The following CDH13 variants were observed in gnomAD, a reference collection of about 807,000 sequenced individuals.
CDH13 encodes the protein cadherin-13.
In CDH13, 24 loss-of-function variants were observed where a neutral mutation model predicts 63.8. The observed-to-expected ratio is 0.38, with a 90% CI of 0.27 to 0.53. The LOEUF is 0.53. Ranked by LOEUF, CDH13 falls within the 20% of genes least tolerant of loss-of-function variation. CDH13 has a pLI of 0.85. For synonymous variants in CDH13, 503 were observed against 355.3 expected, an observed-to-expected ratio of 1.42 and a Z score of -4.67; for missense variants, 1,049 against 903.1, an observed-to-expected ratio of 1.16 and a Z score of -2.07.
At chr16:83,339,825 A>G (rs1001481130) in intron 5 of CDH13, among the ~76,000 whole-genome samples, 4 of 152,208 alleles carry the variant, frequency 2.6e-5, no homozygotes, top group African/African-American at 9.6e-5. Context: ...TAGCACTAGA[A>G]TCTCTCAAAG....
intron 7 of CDH13, among the ~76,000 whole-genome samples, chr16:83,524,134 G>T (rs529836849): frequency 3.9e-5 from 6 of 152,198 alleles, no homozygotes; most frequent in Non-Finnish European, 8.8e-5. Flanking sequence ...ACCTTACCAT[G>T]CACTAGATTT....
chr16:83,446,127 A>G (rs1429899780), intron 6 of CDH13, among the ~76,000 whole-genome samples: 2 of 151,758 alleles, frequency 1.3e-5, no homozygotes, highest in African/African-American at 4.8e-5. Context: ...ACGTGGTGAA[A>G]CCCCATCTCT....
chr16:83,617,275 G>A (rs185699646), intron 8 of CDH13, among the ~76,000 whole-genome samples: 13 of 152,250 alleles, frequency 8.5e-5, no homozygotes, highest in African/African-American at 2.9e-4. Context: ...GGCTTCTGAT[G>A]TACTATTAAC....
intron 4 of CDH13, among the ~76,000 whole-genome samples, chr16:83,165,079 A>G (rs932088183): frequency 1.2e-4 from 14 of 115,870 alleles, no homozygotes; most frequent in African/African-American, 6.3e-4. Context: ...GAGTAGAAGC[A>G]GGAGAAAAAA....
chr16:83,749,220 G>T (rs1912869757), intron 11 of CDH13, among the ~76,000 whole-genome samples: 1 of 152,266 alleles, frequency 6.6e-6, no homozygotes, highest in Admixed American at 6.5e-5. Context: ...GGTGCCCATT[G>T]TTATACTCAA....
chr16:83,506,103 C>CAGGATT (rs978908456), intron 7 of CDH13, among the ~76,000 whole-genome samples: 26 of 152,114 alleles, frequency 1.7e-4, no homozygotes, highest in African/African-American at 6.3e-4. Flanking sequence ...TCATGGCAAA[C>CAGGATT]AGGATTTGAA....
chr16:82,770,522 A>C (rs1422364538), intron 1 of CDH13, among the ~76,000 whole-genome samples: 2 of 152,212 alleles, frequency 1.3e-5, no homozygotes, highest in Non-Finnish European at 1.5e-5. Context: ...ATCCTGCTTA[A>C]AAAATCATCA....
intron 2 of CDH13, among the ~76,000 whole-genome samples, chr16:82,961,141 C>T (rs573370252): frequency 2.6e-5 from 4 of 152,144 alleles, no homozygotes; most frequent in Non-Finnish European, 4.4e-5. Context: ...CAGCTGAATC[C>T]GACTCAGGCT....
chr16:83,605,708 T>A (rs1404017325), intron 8 of CDH13, among the ~76,000 whole-genome samples: 1 of 152,152 alleles, frequency 6.6e-6, no homozygotes, highest in African/African-American at 2.4e-5. Flanking sequence ...AAGATTGTGA[T>A]GAGAAAGATA....
At chr16:82,684,389 G>T (rs75000481) in intron 1 of CDH13, among the ~76,000 whole-genome samples, 1 of 152,266 alleles carries the variant, frequency 6.6e-6, no homozygotes, top group South Asian at 2.1e-4. Context: ...AGTAGGTTTT[G>T]TTTTGTGGGT....
intron 7 of CDH13, among the ~76,000 whole-genome samples, chr16:83,531,119 C>T (rs933771482): frequency 6.6e-6 from 1 of 152,184 alleles, no homozygotes; most frequent in Non-Finnish European, 1.5e-5. Flanking sequence ...GTTACAACTG[C>T]CACCACCATG....
intron 6 of CDH13, among the ~76,000 whole-genome samples, chr16:83,431,813 T>C (rs2072119441): frequency 6.6e-6 from 1 of 152,062 alleles, no homozygotes; most frequent in Admixed American, 6.6e-5. Flanking sequence ...TCTAATCGCC[T>C]CCCGCCAGGC....
At chr16:83,503,524 T>C (rs552092097) in intron 7 of CDH13, among the ~76,000 whole-genome samples, 1 of 152,026 alleles carries the variant, frequency 6.6e-6, no homozygotes, top group East Asian at 1.9e-4. Context: ...GCTAGGGAGA[T>C]GCCACTCAGC....
intron 8 of CDH13, among the ~76,000 whole-genome samples, chr16:83,658,734 C>T (rs1340853626): frequency 6.8e-6 from 1 of 147,712 alleles, no homozygotes; most frequent in Non-Finnish European, 1.5e-5. Flanking sequence ...GTCCTCACCA[C>T]CAGGTCCCAT....
chr16:83,162,916 C>G (rs1340482138), intron 4 of CDH13, among the ~76,000 whole-genome samples: 2 of 152,088 alleles, frequency 1.3e-5, no homozygotes, highest in Non-Finnish European at 2.9e-5. Flanking sequence ...CCAAGTCTAG[C>G]ACACTCATTG....
intron 1 of CDH13, among the ~76,000 whole-genome samples, chr16:82,787,491 A>C (rs2036075197): frequency 6.6e-6 from 1 of 152,190 alleles, no homozygotes; most frequent in Non-Finnish European, 1.5e-5. Flanking sequence ...TACTGTGTGC[A>C]AAAAAATGCT....
chr16:83,270,725 A>C (rs1240204283), intron 5 of CDH13, among the ~76,000 whole-genome samples: 1 of 152,112 alleles, frequency 6.6e-6, no homozygotes, highest in Non-Finnish European at 1.5e-5. Context: ...GTCATCTTCT[A>C]TCCTCCCAGA....
intron 8 of CDH13, among the ~76,000 whole-genome samples, chr16:83,621,912 G>A (rs963946568): frequency 4.6e-5 from 7 of 152,030 alleles, no homozygotes; most frequent in Middle Eastern, 3.2e-3. Flanking sequence ...CTGTCCCTCC[G>A]TCATTTCTTC....
chr16:83,018,822 G>A (rs2151450368), intron 2 of CDH13, among the ~76,000 whole-genome samples: 1 of 152,306 alleles, frequency 6.6e-6, no homozygotes, highest in Non-Finnish European at 1.5e-5. Flanking sequence ...GTAACACAAT[G>A]GCAAGTGGTT....
Sources: gnomAD v4.1 joint callset for allele counts (sites outside exome capture counted in the v4.1 genomes callset) on GRCh38, gnomAD v4.1.1 for gene constraint, MANE v1.5 for transcripts, NCBI Gene and HGNC (gene_info 2026-07-23, HGNC 2026-07-21) for gene names.